The following RASGEF1A variants were observed in gnomAD, a reference collection of about 807,000 sequenced individuals.
RASGEF1A encodes ras-GEF domain-containing family member 1A.
In RASGEF1A, 18 loss-of-function variants were observed where a neutral mutation model predicts 56.4. The ratio of observed to expected loss-of-function variants is 0.32; its 90% CI spans 0.22 to 0.47. The LOEUF is 0.47. Ranked by LOEUF, RASGEF1A falls within the 20% of genes least tolerant of loss-of-function variation. RASGEF1A has a pLI of 1.00. For synonymous variants in RASGEF1A, 245 were observed against 242.6 expected, an observed-to-expected ratio of 1.01 and a Z score of -0.09; for missense variants, 422 against 627.1, an observed-to-expected ratio of 0.67 and a Z score of 3.49.
In RASGEF1A at chr10:43,254,578, C is replaced by T. The variant is rs1840666436; in HGVS notation, c.-7+12267G>A. On this transcript the variant is annotated intron_variant, in intron 1 of 12. Transcript: ENST00000395810. ...AGGGCCCGGAACTGACACCTTCACA[C>T]TCAGGTCACAGCGCAGTGACACCCG... Among the ~76,000 whole-genome samples, 3 of 152,220 alleles carry T rather than the reference C, an allele frequency of 2.0e-5. No individual in the cohort carries two copies. The South Asian group carries it at 6.2e-4, about 31-fold the overall frequency.
chr10:43,227,462 C>T (rs1043842088), intron 1 of RASGEF1A, among the ~76,000 whole-genome samples: 3 of 152,186 alleles, frequency 2.0e-5, no homozygotes, highest in African/African-American at 7.2e-5. Context: ...CTGGCCTGTG[C>T]CCCGCTGAGG....
At chr10:43,223,131 G>T (rs1393354054) in intron 1 of RASGEF1A, among the ~76,000 whole-genome samples, 1 of 152,156 alleles carries the variant, frequency 6.6e-6, no homozygotes, top group Non-Finnish European at 1.5e-5. Context: ...AGATGCCCAA[G>T]GGATGAAAAT....
At chr10:43,242,884 C>G (rs2503855) in intron 1 of RASGEF1A, among the ~76,000 whole-genome samples, 40,956 of 152,078 alleles carry the variant, frequency 0.27, 5,711 homozygotes, top group Non-Finnish European at 0.3. Flanking sequence ...CTCACTACAA[C>G]CTCCACCTCC....
intron 1 of RASGEF1A, among the ~76,000 whole-genome samples, chr10:43,223,056 C>G (rs1183361849): frequency 6.6e-6 from 1 of 151,942 alleles, no homozygotes; most frequent in Non-Finnish European, 1.5e-5. Context: ...CAAAGCTATG[C>G]CCAGGAAACA....
At chr10:43,203,262 T>C (rs1266358734) in intron 3 of RASGEF1A, 36 bp downstream of exon 3, 4 of 1,329,556 alleles carry the variant, frequency 3.0e-6, no homozygotes, top group African/African-American at 1.7e-5. Flanking sequence ...TCCTGCCCCC[T>C]GCCCCCGCCC....
intron 1 of RASGEF1A, among the ~76,000 whole-genome samples, chr10:43,264,597 AAAGCAGCCAGAGTGCCGGACCC>A (rs1836591169): frequency 6.6e-6 from 1 of 151,334 alleles, no homozygotes; most frequent in Admixed American, 6.6e-5. Flanking sequence ...CTCCAACAGA[AAAGCAGCCAGAGTGCCGGACCC>A]AAGCAGATGG....
chr10:43,221,789 T>A (rs1840212050), intron 1 of RASGEF1A, among the ~76,000 whole-genome samples: 1 of 152,202 alleles, frequency 6.6e-6, no homozygotes, highest in Non-Finnish European at 1.5e-5. Context: ...GCAGAGGGCC[T>A]CCCACCTGCT....
intron 2 of RASGEF1A, among the ~76,000 whole-genome samples, chr10:43,204,880 T>C (rs1041198588): frequency 2.6e-5 from 4 of 152,212 alleles, no homozygotes; most frequent in Admixed American, 2.0e-4. Flanking sequence ...CCTCAGGGCC[T>C]TGGGCCCCTC....
chr10:43,216,100 C>G (rs926235326), intron 1 of RASGEF1A, among the ~76,000 whole-genome samples: 3 of 152,220 alleles, frequency 2.0e-5, no homozygotes, highest in Non-Finnish European at 4.4e-5. Context: ...GTCGGCCTTG[C>G]TAAACCTGGA....
At chr10:43,257,286 C>A (rs138575531) in intron 1 of RASGEF1A, among the ~76,000 whole-genome samples, 49 of 152,338 alleles carry the variant, frequency 3.2e-4, no homozygotes, top group African/African-American at 1.2e-3. Context: ...CTCCAAGCCT[C>A]GCTGACACAC....
At chr10:43,208,407 G>A in intron 1 of RASGEF1A, 1 of 985,626 alleles carries the variant, frequency 1.0e-6, no homozygotes, top group Middle Eastern at 5.2e-4. Context: ...AGTGCTAGGA[G>A]GCCTGCCTAG....
intron 1 of RASGEF1A, among the ~76,000 whole-genome samples, chr10:43,238,929 G>C (rs187606808): frequency 5.3e-5 from 8 of 152,350 alleles, no homozygotes; most frequent in African/African-American, 1.7e-4. Context: ...TCTGTTCCTA[G>C]AGCAGACACA....
chr10:43,263,525 T>A (rs1194997742), intron 1 of RASGEF1A, among the ~76,000 whole-genome samples: 1 of 152,184 alleles, frequency 6.6e-6, no homozygotes, highest in Non-Finnish European at 1.5e-5. Context: ...TGGGCTGTTC[T>A]GTCTAGAGTC....
intron 1 of RASGEF1A, among the ~76,000 whole-genome samples, chr10:43,263,801 G>C (rs1836576474): frequency 6.6e-6 from 1 of 152,188 alleles, no homozygotes; most frequent in African/African-American, 2.4e-5. Context: ...GTGCTTCCTG[G>C]GAGGTGCTGC....
intron 1 of RASGEF1A, among the ~76,000 whole-genome samples, chr10:43,251,374 C>T (rs1840626441): frequency 6.6e-6 from 1 of 152,204 alleles, no homozygotes; most frequent in African/African-American, 2.4e-5. Context: ...TCTTGTGGGG[C>T]CCCTCACCGT....
rs1389962722 is a variant in RASGEF1A at position 43,200,726 on chromosome 10, T to C, written c.622A>G (p.Ile208Val). Residue 208 changes from isoleucine to valine, a missense_variant, in exon 5 of 13, where the codon ATC becomes GTC. Around this residue, in one of 2 missense-constraint regions of RASGEF1A, gnomAD observed 273 missense variants for 339.9 expected, o/e 0.80. Transcript: ENST00000395810. ...AGGGGGTCGCAGCACACGCCCAGGATGTCCTTCTGGGCGGCTGGTGGCTTG... is the reference window on the plus strand; with the variant it reads ...AGGGGGTCGCAGCACACGCCCAGGACGTCCTTCTGGGCGGCTGGTGGCTTG... ...KTKPPAAQKD[I>V]LGVCCDPLVL... 1 of 1,613,734 alleles carries C rather than the reference T, an allele frequency of 6.2e-7. No individual in the cohort carries two copies. Among genetic ancestry groups the C allele is most frequent in the Non-Finnish European group, 8.5e-7 (1 of 1,180,018 alleles).
chr10:43,223,962 C>G (rs973598232), intron 1 of RASGEF1A, among the ~76,000 whole-genome samples: 1 of 152,114 alleles, frequency 6.6e-6, no homozygotes, highest in African/African-American at 2.4e-5. Context: ...AAACAAACAA[C>G]TACCTAAATC....
Position 43,196,740 on chromosome 10 carries a change from CT to C in RASGEF1A, c.1349-193del, listed in dbSNP as rs1341712847. On this transcript the variant is annotated intron_variant, in intron 11 of 12. Coordinates refer to ENST00000395810, the MANE Select transcript of RASGEF1A (RefSeq NM_145313.4). This position sits in a 1 kb window ranked among gnomAD's most constrained non-coding sequence, Gnocchi z 4.6. Reference sequence around the variant, plus strand: ...AGGAAGGTTCCTCGTGTTGCAGCACCTGACCTAAGCCCATGTGACCCTCTCC... The same window carrying C: ...AGGAAGGTTCCTCGTGTTGCAGCACCGACCTAAGCCCATGTGACCCTCTCC... Among the ~76,000 whole-genome samples the C allele has an allele frequency of 1.3e-5, 2 of 152,210 alleles. No individual in the cohort carries two copies. The highest frequency in any genetic ancestry group is 3.9e-4 in the East Asian group (2 of 5,186).
intron 1 of RASGEF1A, among the ~76,000 whole-genome samples, chr10:43,242,847 G>A (rs941409415): frequency 3.3e-5 from 5 of 152,216 alleles, no homozygotes; most frequent in African/African-American, 1.2e-4. Flanking sequence ...ATGTTGCCCA[G>A]GCTGGAGTGC....
Sources: allele counts gnomAD v4.1 joint callset (sites outside exome capture counted in the v4.1 genomes callset), GRCh38; gene constraint gnomAD v4.1.1; regional missense constraint gnomAD v4.1.1; non-coding constraint Gnocchi (gnomAD v3.1); transcripts MANE v1.5; gene names NCBI Gene and HGNC (gene_info 2026-07-23, HGNC 2026-07-21).